Variants in SLC25A33 observed in about 807,000 individuals in gnomAD.
SLC25A33 encodes solute carrier family 25 member 33.
SLC25A33 carries 15 observed loss-of-function variants against 35.5 expected under a neutral mutation model. That is an observed-to-expected ratio of 0.42 (90% CI 0.28 to 0.65). SLC25A33 has a LOEUF of 0.65. Among genes scored for constraint, SLC25A33 ranks in the 30% least tolerant of loss-of-function variants. The probability of loss-of-function intolerance (pLI) is 0.20; values close to 1 mark genes in which losing one functional copy is unlikely to be tolerated. For synonymous variants in SLC25A33, 136 were observed against 148.7 expected (o/e 0.91, Z 0.62); for missense variants, 257 against 398.5 (o/e 0.64, Z 3.02).
In SLC25A33 at chr1:9,582,089, T is replaced by A. The variant is rs1643753548; in HGVS notation, c.764-210T>A. ...ACCACCTTGCCTGGCTAATTTTTGT[T>A]TTTCAGTAGAGACGGGGTTTCACCA... On this transcript the variant is annotated intron_variant, in intron 6 of 6. Coordinates refer to ENST00000302692, the MANE Select transcript of SLC25A33 (RefSeq NM_032315.3). This position sits in a 1 kb window ranked among gnomAD's most constrained non-coding sequence, Gnocchi z 4.0. 6.6e-6 allele frequency among the ~76,000 whole-genome samples: 1 copy of A among 151,978 alleles called. No individual in the cohort carries two copies. The highest frequency in any genetic ancestry group is 2.1e-4 in the South Asian group (1 of 4,824).
intron 2 of SLC25A33, among the ~76,000 whole-genome samples, chr1:9,563,964 A>G (rs1013306622): frequency 3.3e-5 from 5 of 152,134 alleles, no homozygotes; most frequent in Admixed American, 2.6e-4. Context: ...CAGCCATTCT[A>G]TTAACTTTTG....
rs59741987 is a variant in SLC25A33, at chr1:9,564,765, T to TATATATATAC, written c.237-2518_237-2517insTATATATACA. On this transcript the variant is annotated intron_variant, in intron 2 of 6. Coordinates refer to ENST00000302692, the MANE Select transcript of SLC25A33 (RefSeq NM_032315.3). The stretch of plus-strand genomic sequence containing the variant: ...ATATATATATATATATATATATATA[T>TATATATATAC]ACACAAAAATTAGCTGAGCGTGGTG... 2.1e-3 allele frequency among the ~76,000 whole-genome samples: 237 copies of TATATATATAC among 114,742 alleles called. 2 individuals are homozygous for TATATATATAC. Among genetic ancestry groups the TATATATATAC allele is most frequent in the Middle Eastern group, 9.6e-3 (2 of 208 alleles). The allele number at this position is 114,742 out of a possible 152,430, so 75.3% of individuals were successfully genotyped here. A position where few individuals can be genotyped will look rare whatever the true frequency, so the allele number is the denominator to read the frequency against.
chr1:9,558,202 A>C (rs756490449), intron 2 of SLC25A33, among the ~76,000 whole-genome samples: 3 of 152,206 alleles, frequency 2.0e-5, no homozygotes, highest in Non-Finnish European at 2.9e-5. Flanking sequence ...GTAAGAAATG[A>C]ACAAGCCCCA....
At chr1:9,562,723 G>A (rs1256932920) in intron 2 of SLC25A33, among the ~76,000 whole-genome samples, 3 of 151,006 alleles carry the variant, frequency 2.0e-5, no homozygotes, top group Non-Finnish European at 4.4e-5. Context: ...GCGTAGTGGC[G>A]GGTGCCTGTA....
chr1:9,564,739 A>AAAAAATATATATATAT (rs60174872), intron 2 of SLC25A33, among the ~76,000 whole-genome samples: 3 of 96,576 alleles, frequency 3.1e-5, no homozygotes, highest in African/African-American at 1.3e-4. Context: ...AAAAAAAAAA[A>AAAAAATATATATATAT]ATATATATAT....
intron 2 of SLC25A33, 46 bp from the exon 3 acceptor site, chr1:9,567,238 G>T: frequency 1.3e-6 from 2 of 1,507,670 alleles, no homozygotes; most frequent in Admixed American, 3.5e-5. Flanking sequence ...TTTTTAATAG[G>T]CCTTGCCTGA....
chr1:9,568,788 T>C (rs1272885501), intron 3 of SLC25A33, among the ~76,000 whole-genome samples: 1 of 151,842 alleles, frequency 6.6e-6, no homozygotes, highest in Non-Finnish European at 1.5e-5. Flanking sequence ...GAGGCGGAGC[T>C]TGCAGTGAGC....
At position 9,585,026 on chromosome 1, in the gene SLC25A33, AT is replaced by A. The variant is rs1643788135; in HGVS notation, c.*2529del. 6.6e-6 allele frequency: 1 copy of A among 152,244 alleles called. No homozygotes were observed. The allele number at this position is 152,244 out of a possible 1,614,324, so 9.4% of individuals were successfully genotyped here. The stretch of plus-strand genomic sequence containing the variant: ...ATCTAATTTTAATATTCACATTCCT[AT>A]TTTAATATTCATATTCGATGATGGC... On this transcript the variant is annotated 3_prime_UTR_variant, in exon 7 of 7. Transcript: ENST00000302692.
intron 1 of SLC25A33, among the ~76,000 whole-genome samples, chr1:9,543,131 TTTTATTTA>T (rs57265571): frequency 0.018 from 2,734 of 151,264 alleles, 94 homozygotes; most frequent in African/African-American, 0.062. Flanking sequence ...GAAAAAGTAT[TTTTATTTA>T]TTTATTTATT....
chr1:9,555,443 T>C (rs1448221929), intron 2 of SLC25A33, among the ~76,000 whole-genome samples: 1 of 152,138 alleles, frequency 6.6e-6, no homozygotes, highest in African/African-American at 2.4e-5. Flanking sequence ...AGGCACAATT[T>C]AGATAAGGCA....
chr1:9,576,590 G>A lies in SLC25A33; in HGVS notation c.482+3178G>A, dbSNP rs182859433. 2.2e-3 allele frequency: 1,247 copies of A among 569,696 alleles called. 4 individuals are homozygous for A. The highest frequency in any genetic ancestry group is 4.5e-3 in the Admixed American group (240 of 52,896). The allele number at this position is 569,696 out of a possible 1,614,324, so 35.3% of individuals were successfully genotyped here. ...CTAAAGAGGCTCTGGAGTGCCACAC[G>A]GTGGGGTAACAGAAAGGAACTGGCT... On this transcript the variant is annotated intron_variant, in intron 5 of 6. Coordinates refer to ENST00000302692, the MANE Select transcript of SLC25A33 (RefSeq NM_032315.3).
intron 1 of SLC25A33, among the ~76,000 whole-genome samples, chr1:9,549,150 G>A (rs868444167): frequency 9.2e-5 from 14 of 152,084 alleles, no homozygotes; most frequent in African/African-American, 3.4e-4. Context: ...GGTATGCTTG[G>A]GAAGGACACT....
At chr1:9,574,764 C>T (rs151125013) in intron 5 of SLC25A33, among the ~76,000 whole-genome samples, 232 of 152,306 alleles carry the variant, frequency 1.5e-3, no homozygotes, top group African/African-American at 4.9e-3. Flanking sequence ...TCTGAAGACA[C>T]AATAGCTAAG....
intron 5 of SLC25A33, chr1:9,576,887 G>A: frequency 4.7e-6 from 6 of 1,284,938 alleles, no homozygotes; most frequent in Non-Finnish European, 6.7e-6. Flanking sequence ...AAATTCAGTT[G>A]CCTTGATTCA....
At chr1:9,547,547 C>T (rs1345810788) in intron 1 of SLC25A33, among the ~76,000 whole-genome samples, 3 of 152,034 alleles carry the variant, frequency 2.0e-5, no homozygotes, top group East Asian at 3.9e-4. Flanking sequence ...GTCCATTTTA[C>T]GGTCTTCAAA....
intron 5 of SLC25A33, among the ~76,000 whole-genome samples, chr1:9,574,219 A>G (rs901279863): frequency 2.1e-5 from 3 of 146,150 alleles, no homozygotes; most frequent in African/African-American, 7.7e-5. Flanking sequence ...TCACCTCCTC[A>G]GTAGTTTGAG....
chr1:9,539,799 C>T, intron 1 of SLC25A33, 52 bp downstream of exon 1: 1 of 1,288,892 alleles, frequency 7.8e-7, no homozygotes, highest in Non-Finnish European at 9.8e-7. Context: ...GTCCCCTCGG[C>T]CTTCGCCCCG....
At chr1:9,568,022 A>G (rs1489537833) in intron 3 of SLC25A33, among the ~76,000 whole-genome samples, 2 of 152,266 alleles carry the variant, frequency 1.3e-5, no homozygotes, top group African/African-American at 4.8e-5. Context: ...ATTGAAGAGC[A>G]GAGATACAGG....
chr1:9,562,429 T>C (rs1372403094), intron 2 of SLC25A33, among the ~76,000 whole-genome samples: 1 of 151,968 alleles, frequency 6.6e-6, no homozygotes, highest in East Asian at 1.9e-4. Flanking sequence ...GGCAGCAGAA[T>C]TGCTTGAACC....
Sources: gnomAD v4.1 joint callset for allele counts (sites outside exome capture counted in the v4.1 genomes callset) on GRCh38, gnomAD v4.1.1 for gene constraint, Gnocchi (gnomAD v3.1) non-coding constraint, MANE v1.5 for transcripts, NCBI Gene and HGNC (gene_info 2026-07-23, HGNC 2026-07-21) for gene names.